MBTD1: variants seen among roughly 807,000 people sequenced by gnomAD.
MBTD1 encodes the protein MBT domain-containing protein 1.
A neutral mutation model predicts 87.8 loss-of-function variants in MBTD1; 24 were observed. That is an observed-to-expected ratio of 0.27 (90% CI 0.20 to 0.38). The LOEUF is 0.38. Ranked by LOEUF, MBTD1 falls within the 10% of genes least tolerant of loss-of-function variation. MBTD1 has a pLI of 1.00. For synonymous variants in MBTD1, 237 were observed against 248.6 expected (o/e 0.95, Z 0.44); for missense variants, 436 against 760.2 (o/e 0.57, Z 5.02).
At chr17:51,250,871 C>T (rs527310926) in intron 2 of MBTD1, 130 of 152,298 alleles carry the variant, frequency 8.5e-4, no homozygotes, top group African/African-American at 3.1e-3. Context: ...AAAATCTCAT[C>T]TCAATTATCC....
intron 2 of MBTD1, among the ~76,000 whole-genome samples, chr17:51,228,141 G>C (rs2053335614): frequency 6.6e-6 from 1 of 152,002 alleles, no homozygotes; most frequent in South Asian, 2.1e-4. Context: ...AATACCACAT[G>C]TTCTCACTTA....
At position 51,203,239 on chromosome 17, in the gene MBTD1, A is replaced by G; in HGVS notation, c.740-11T>C. 7.3e-7 allele frequency: 1 copy of G among 1,367,322 alleles called. No homozygotes were observed. The highest frequency in any genetic ancestry group is 2.2e-4 in the Middle Eastern group (1 of 4,518). 84.7% of individuals were successfully genotyped at this position (1,367,322 alleles called of 1,614,324 possible). ...ATTTATGCTGAATAGCTAAAATAGA[A>G]GAAATAATCAGTTATACTTTAGCAA... On this transcript the variant is annotated splice_polypyrimidine_tract_variant and intron_variant, in intron 8 of 16. Coordinates refer to ENST00000586178, the MANE Select transcript of MBTD1 (RefSeq NM_017643.3).
intron 6 of MBTD1, among the ~76,000 whole-genome samples, chr17:51,216,128 C>T (rs1354230684): frequency 6.6e-6 from 1 of 151,982 alleles, no homozygotes; most frequent in Non-Finnish European, 1.5e-5. Flanking sequence ...AACGGGGTTT[C>T]ACCATGTTGG....
chr17:51,201,896 A>G, intron 11 of MBTD1, 126 bp downstream of exon 11: 1 of 731,030 alleles, frequency 1.4e-6, no homozygotes, highest in Non-Finnish European at 2.3e-6. Flanking sequence ...GACACCTATG[A>G]ATTTACAAGG....
At chr17:51,260,562 T>A, upstream of MBTD1, 1 of 1,600,292 alleles carries the variant, frequency 6.2e-7, no homozygotes, top group Non-Finnish European at 8.5e-7. Context: ...CGTGAGCGCC[T>A]GCGTTTCTCC....
At chr17:51,181,320 C>T (rs1434643002) in intron 16 of MBTD1, among the ~76,000 whole-genome samples, 4 of 151,960 alleles carry the variant, frequency 2.6e-5, no homozygotes, top group East Asian at 1.9e-4. Flanking sequence ...CCACCGTGCC[C>T]GGCCTCAAGG....
chr17:51,242,693 C>A (rs60514169), intron 2 of MBTD1, among the ~76,000 whole-genome samples: 2,838 of 152,254 alleles, frequency 0.019, 62 homozygotes, highest in African/African-American at 0.046. Context: ...AATGTCATTT[C>A]TTTCCCTGCC....
intron 8 of MBTD1, 139 bp downstream of exon 8, chr17:51,203,652 C>G (rs1198152293): frequency 3.4e-6 from 3 of 883,602 alleles, no homozygotes; most frequent in Non-Finnish European, 1.8e-6. Context: ...CTGCCTTGGC[C>G]TCCCAAAGTG....
At chr17:51,225,857 C>A (rs73353624) in intron 2 of MBTD1, among the ~76,000 whole-genome samples, 59,328 of 151,136 alleles carry the variant, frequency 0.39, 13,101 homozygotes, top group East Asian at 0.6. Context: ...CGGCTCACTG[C>A]AACCTCTGCC....
chr17:51,219,088 C>G, intron 4 of MBTD1, 44 bp from the exon 5 acceptor site: 1 of 963,034 alleles, frequency 1.0e-6, no homozygotes, highest in South Asian at 1.4e-5. Flanking sequence ...TTTTCATCCC[C>G]TCACCACCAC....
chr17:51,260,611 G>C, upstream of MBTD1: 1 of 1,612,678 alleles, frequency 6.2e-7, no homozygotes, highest in Non-Finnish European at 8.5e-7. Flanking sequence ...GGAGACGAAT[G>C]AAACTGGACC....
At chr17:51,258,340 A>G (rs1312957675) in intron 2 of MBTD1, among the ~76,000 whole-genome samples, 1 of 152,234 alleles carries the variant, frequency 6.6e-6, no homozygotes, top group Non-Finnish European at 1.5e-5. Context: ...TCACCAAATG[A>G]AGGAGAATGT....
intron 8 of MBTD1, among the ~76,000 whole-genome samples, chr17:51,203,583 G>C (rs1388866517): frequency 6.6e-6 from 1 of 152,110 alleles, no homozygotes; most frequent in Admixed American, 6.6e-5. Context: ...GAGAAGTTGA[G>C]ATGGGGTTTT....
chr17:51,202,903 A>G lies in MBTD1; in HGVS notation c.861T>C (p.Pro287=), dbSNP rs763992307. 7 of 1,613,918 alleles carry G rather than the reference A, an allele frequency of 4.3e-6. No homozygotes were observed. The highest frequency in any genetic ancestry group is 2.7e-5 in the African/African-American group (2 of 74,936). ...VSESMQYPFK[P]CMRVEVVDKR... The stretch of plus-strand genomic sequence containing the variant: ...TGTCAACCACTTCTACTCTCATGCA[A>G]GGTTTGAAAGGATACTGCATACTCT... Residue 287 remains proline (P), a synonymous_variant, in exon 10 of 17, where the codon CCT becomes CCC. Transcript: ENST00000586178.
chr17:51,214,339 T>C (rs1026273137), intron 6 of MBTD1, among the ~76,000 whole-genome samples: 2 of 152,188 alleles, frequency 1.3e-5, no homozygotes, highest in African/African-American at 4.8e-5. Flanking sequence ...TGTCCAATAC[T>C]GTTGTAATTG....
intron 2 of MBTD1, among the ~76,000 whole-genome samples, chr17:51,237,604 C>T (rs2143954685): frequency 6.6e-6 from 1 of 152,094 alleles, no homozygotes; most frequent in East Asian, 1.9e-4. Context: ...TGAGAAAACA[C>T]AAATTAAAAC....
chr17:51,215,889 G>T (rs1304620104), intron 6 of MBTD1, among the ~76,000 whole-genome samples: 1 of 149,332 alleles, frequency 6.7e-6, no homozygotes, highest in Non-Finnish European at 1.5e-5. Flanking sequence ...CCTAAGCTCA[G>T]CTTTGTTCAT....
intron 2 of MBTD1, among the ~76,000 whole-genome samples, chr17:51,237,974 C>T (rs1454813695): frequency 1.3e-5 from 2 of 152,092 alleles, no homozygotes; most frequent in Non-Finnish European, 2.9e-5. Flanking sequence ...TATTGATATA[C>T]ACAGCGTGGA....
chr17:51,242,064 C>A (rs2054189994), intron 2 of MBTD1, among the ~76,000 whole-genome samples: 1 of 152,156 alleles, frequency 6.6e-6, no homozygotes, highest in African/African-American at 2.4e-5. Flanking sequence ...TCTGTCCCAG[C>A]CCTGGAACCA....
Sources: allele counts gnomAD v4.1 joint callset (sites outside exome capture counted in the v4.1 genomes callset), GRCh38; gene constraint gnomAD v4.1.1; transcripts MANE v1.5; gene names NCBI Gene and HGNC (gene_info 2026-07-23, HGNC 2026-07-21).